Variants in SPG7 observed in about 807,000 individuals in gnomAD.
The protein encoded by SPG7 is mitochondrial inner membrane m-AAA protease component paraplegin.
A neutral mutation model predicts 81.9 loss-of-function variants in SPG7; 103 were observed. The ratio of observed to expected loss-of-function variants is 1.26; its 90% CI spans 1.07 to 1.48. The LOEUF (loss-of-function observed/expected upper bound fraction) is 1.48, where lower values mean the gene tolerates loss of function less well. Among genes scored for constraint, SPG7 ranks in the 40% most tolerant of loss-of-function variants. The probability of loss-of-function intolerance (pLI) is 0.00; values close to 1 mark genes in which losing one functional copy is unlikely to be tolerated. For synonymous variants in SPG7, 534 were observed against 444.2 expected (o/e 1.20, Z -2.54); for missense variants, 1,241 against 1,087.3 (o/e 1.14, Z -1.99).
chr16:89,549,990 G>C (rs2058614462), intron 12 of SPG7: 1 of 217,308 alleles, frequency 4.6e-6, no homozygotes, highest in African/African-American at 2.3e-5. Context: ...TATAAAAGAA[G>C]AAATCACGAC....
intron 9 of SPG7, among the ~76,000 whole-genome samples, chr16:89,542,564 T>G (rs1372953965): frequency 1.3e-5 from 2 of 152,376 alleles, no homozygotes; most frequent in East Asian, 1.9e-4. Context: ...AGAATGGTTG[T>G]GTCTTTCAAA....
At chr16:89,537,686 T>G in intron 9 of SPG7, 1 of 982,896 alleles carries the variant, frequency 1.0e-6, no homozygotes. Context: ...GGCTCTGTTT[T>G]TTCAGTCTGT....
intron 16 of SPG7, 56 bp from the exon 17 acceptor site, chr16:89,556,831 T>G: frequency 2.9e-6 from 4 of 1,374,498 alleles, no homozygotes; most frequent in Non-Finnish European, 4.2e-6. Flanking sequence ...CCCCAGGACA[T>G]AGAGATGCTC....
chr16:89,536,856 G>T, intron 9 of SPG7: 1 of 1,614,164 alleles, frequency 6.2e-7, no homozygotes, highest in Non-Finnish European at 8.5e-7. Context: ...AGCCCACAGG[G>T]TCACGGAGGG....
intron 12 of SPG7, 121 bp downstream of exon 12, chr16:89,548,234 C>G (rs1209566810): frequency 1.4e-6 from 1 of 713,228 alleles, no homozygotes; most frequent in African/African-American, 1.7e-5. Context: ...ACACACGTTG[C>G]GTTTCAGTTC....
chr16:89,528,789 AG>A (rs2058303256), intron 5 of SPG7: 1 of 153,222 alleles, frequency 6.5e-6, no homozygotes, highest in Admixed American at 6.5e-5. Context: ...TTGTATTTTT[AG>A]TAGACACAGG....
At chr16:89,525,242 C>T (rs750722960) in intron 4 of SPG7, among the ~76,000 whole-genome samples, 15 of 152,190 alleles carry the variant, frequency 9.9e-5, no homozygotes, top group Non-Finnish European at 2.2e-4. Context: ...TGCCAGATCA[C>T]AGGCGTCAGC....
Position 89,549,062 on chromosome 16 carries a change from C to A in SPG7, c.1663+949C>A, listed in dbSNP as rs887115949. 6 of 456,198 alleles carry A rather than the reference C, an allele frequency of 1.3e-5. No individual in the cohort carries two copies. The East Asian group carries it at 4.2e-4, about 32-fold the overall frequency. The allele number at this position is 456,198 out of a possible 1,614,324, so 28.3% of individuals were successfully genotyped here. On this transcript the variant is annotated intron_variant, in intron 12 of 16. Transcript: ENST00000645818. ...GCTGTGCCAGACACTGCAAAACACA[C>A]CTGGCTTCTCTCCGACAGCCCTGCG...
rs200135308 is a variant in SPG7, at chr16:89,526,434, C to A, written c.724C>A (p.Pro242Thr). Residue 242 changes from proline to threonine, a missense_variant, in exon 5 of 17, where the codon CCA (proline) becomes ACA (threonine). Pro to Thr is a conservative substitution (Grantham distance 38). Coordinates refer to ENST00000645818, the MANE Select transcript of SPG7 (RefSeq NM_003119.4). ...ELNIEAKDRI[P>T]VSYKRTGFFG... ...GAATATCGAGGCCAAGGACAGGATC[C>A]CAGTTTCCTACAAGCGAACAGGATT... is the stretch of plus-strand genomic sequence containing the variant. The A allele has an allele frequency of 1.2e-5, 19 of 1,614,132 alleles. No individual in the cohort carries two copies. Among genetic ancestry groups the A allele is most frequent in the Non-Finnish European group, 1.5e-5 (18 of 1,180,030 alleles).
intron 14 of SPG7, 100 bp downstream of exon 14, chr16:89,553,235 G>T (rs2058654806): frequency 3.3e-6 from 4 of 1,196,806 alleles, no homozygotes; most frequent in Non-Finnish European, 4.8e-6. Flanking sequence ...TGGTGTAGAC[G>T]TAGCTTTGAA....
chr16:89,525,369 G>A (rs1282378171), intron 4 of SPG7, among the ~76,000 whole-genome samples: 4 of 152,232 alleles, frequency 2.6e-5, no homozygotes, highest in Admixed American at 6.5e-5. Context: ...GTGGATGCCT[G>A]ATTATTTCAG....
intron 4 of SPG7, among the ~76,000 whole-genome samples, chr16:89,525,490 GT>G (rs1712402383): frequency 6.6e-6 from 1 of 152,168 alleles, no homozygotes; most frequent in African/African-American, 2.4e-5. Context: ...GCAGTTTGGG[GT>G]GTGAGTGAGG....
rs545763379 is a variant in SPG7 at position 89,550,415 on chromosome 16, C to T, written c.1664-79C>T. The T allele has an allele frequency of 6.1e-4, 594 of 974,064 alleles. 1 individual carries two copies. Among genetic ancestry groups the T allele is most frequent in the Non-Finnish European group, 9.1e-4 (550 of 606,142 alleles). 60.3% of individuals were successfully genotyped at this position (974,064 alleles called of 1,614,324 possible). On this transcript the variant is annotated intron_variant, in intron 12 of 16. Transcript: ENST00000645818. ...CTCGAACTCCTGTCCTCAGGTCATCCGCCCGCCTTGGCCTCCCACAGCGCT... is the reference window on the plus strand; with the variant it reads ...CTCGAACTCCTGTCCTCAGGTCATCTGCCCGCCTTGGCCTCCCACAGCGCT...
At chr16:89,529,421 T>C in intron 5 of SPG7, 56 bp from the exon 6 acceptor site, 1 of 1,171,058 alleles carries the variant, frequency 8.5e-7, no homozygotes, top group East Asian at 2.5e-5. Context: ...TTTGGAAGCC[T>C]GCGTCTGTCA....
chr16:89,517,019 G>C (rs1032171042), intron 3 of SPG7: 5 of 152,348 alleles, frequency 3.3e-5, no homozygotes, highest in Non-Finnish European at 7.3e-5. Flanking sequence ...TTCACCTTGA[G>C]TGGGCTGAGG....
At chr16:89,536,450 T>C (rs1449669112) in intron 9 of SPG7, among the ~76,000 whole-genome samples, 1 of 119,188 alleles carries the variant, frequency 8.4e-6, no homozygotes, top group Non-Finnish European at 1.8e-5. Context: ...CTGAGGACTC[T>C]CGGTGAGGCG....
At chr16:89,530,321 A>G (rs1268376622) in intron 6 of SPG7, 1 of 339,980 alleles carries the variant, frequency 2.9e-6, no homozygotes, top group East Asian at 7.9e-5. Context: ...ATTTTTTTGT[A>G]TTTTTGGTAG....
intron 5 of SPG7, among the ~76,000 whole-genome samples, chr16:89,527,538 G>A (rs920009297): frequency 1.6e-4 from 24 of 152,206 alleles, no homozygotes; most frequent in Non-Finnish European, 2.9e-5. Context: ...AAGGAGGACC[G>A]TGATAATGTC....
intron 9 of SPG7, chr16:89,533,529 C>G (rs986852712): frequency 6.6e-6 from 1 of 152,044 alleles, no homozygotes; most frequent in Non-Finnish European, 1.5e-5. Flanking sequence ...GACTGCTAGA[C>G]AGATTCTGGA....
Sources: gnomAD v4.1 joint callset for allele counts (sites outside exome capture counted in the v4.1 genomes callset) on GRCh38, gnomAD v4.1.1 for gene constraint, MANE v1.5 for transcripts, NCBI Gene and HGNC (gene_info 2026-07-23, HGNC 2026-07-21) for gene names.